ROBO1: variants seen among roughly 807,000 people sequenced by gnomAD.
ROBO1 encodes roundabout guidance receptor 1.
Under a neutral mutation model 195.9 loss-of-function variants are expected in ROBO1, and 149 were observed. The ratio of observed to expected loss-of-function variants is 0.76; its 90% CI spans 0.67 to 0.87. The LOEUF is 0.87. Ranked by LOEUF, ROBO1 falls within the 40% of genes least tolerant of loss-of-function variation. The probability of loss-of-function intolerance (pLI) is 0.00; values close to 1 mark genes in which losing one functional copy is unlikely to be tolerated. For synonymous variants in ROBO1, 816 were observed against 733.2 expected (o/e 1.11, Z -1.82); for missense variants, 1,933 against 2,068.3 (o/e 0.93, Z 1.27).
chr3:79,218,154 C>T (rs930361794), intron 2 of ROBO1, among the ~76,000 whole-genome samples: 1 of 152,078 alleles, frequency 6.6e-6, no homozygotes, highest in Middle Eastern at 3.4e-3. Flanking sequence ...TGTAAACTGG[C>T]ATCTTGCATA....
chr3:78,741,921 TC>T, intron 5 of ROBO1, among the ~76,000 whole-genome samples: 1 of 152,152 alleles, frequency 6.6e-6, no homozygotes, highest in Non-Finnish European at 1.5e-5. Context: ...TAAAAGACTC[TC>T]CTATCATGTA....
At chr3:79,681,230 G>A (rs1214681454) in intron 1 of ROBO1, among the ~76,000 whole-genome samples, 2 of 151,984 alleles carry the variant, frequency 1.3e-5, no homozygotes, top group African/African-American at 4.8e-5. Flanking sequence ...GGTAGGAACG[G>A]CTTTATGGCT....
At chr3:78,622,108 T>C (rs1226429539) in intron 26 of ROBO1, among the ~76,000 whole-genome samples, 2 of 152,164 alleles carry the variant, frequency 1.3e-5, no homozygotes, top group African/African-American at 4.8e-5. Context: ...ATAAGTTTAA[T>C]TATATTATTT....
At chr3:79,392,913 A>T (rs1241060362) in intron 2 of ROBO1, among the ~76,000 whole-genome samples, 1 of 152,258 alleles carries the variant, frequency 6.6e-6, no homozygotes, top group Non-Finnish European at 1.5e-5. Context: ...GCCCAAGGTC[A>T]CAAATTATGA....
At chr3:79,488,332 A>G (rs1268738614) in intron 2 of ROBO1, among the ~76,000 whole-genome samples, 3 of 152,130 alleles carry the variant, frequency 2.0e-5, no homozygotes, top group Admixed American at 6.5e-5. Flanking sequence ...TCAAAATATC[A>G]TCAGATCATT....
chr3:79,404,611 C>T (rs2106806257), intron 2 of ROBO1, among the ~76,000 whole-genome samples: 1 of 152,220 alleles, frequency 6.6e-6, no homozygotes, highest in African/African-American at 2.4e-5. Flanking sequence ...GTGCCATGCA[C>T]TGAAGGCCAC....
intron 1 of ROBO1, among the ~76,000 whole-genome samples, chr3:79,627,708 C>G (rs1374144429): frequency 2.6e-5 from 4 of 152,228 alleles, no homozygotes; most frequent in Admixed American, 6.5e-5. Context: ...TCAGAGTGAA[C>G]AGGCAACCTA....
At chr3:79,629,786 A>T (rs1945284816) in intron 1 of ROBO1, among the ~76,000 whole-genome samples, 1 of 152,020 alleles carries the variant, frequency 6.6e-6, no homozygotes, top group African/African-American at 2.4e-5. Flanking sequence ...TCAAATAAGG[A>T]CAATTAGAAA....
chr3:79,006,543 A>G (rs930165856), intron 3 of ROBO1, among the ~76,000 whole-genome samples: 2 of 152,054 alleles, frequency 1.3e-5, no homozygotes, highest in Admixed American at 6.6e-5. Flanking sequence ...TCAACTACCC[A>G]TATTTATTGG....
rs1457049329 is a variant in ROBO1 at position 79,516,799 on chromosome 3, C to T, written c.88+73025G>A. On this transcript the variant is annotated intron_variant, in intron 2 of 30. Transcript: ENST00000464233. ...ACAATCTTGAATATATATTAATTCA[C>T]ATGTATTTGAATTTATCTACAGGAT... Among the ~76,000 whole-genome samples, 8 of 152,146 alleles carry T rather than the reference C, an allele frequency of 5.3e-5. No individual in the cohort carries two copies. The East Asian group carries it at 1.4e-3, about 26-fold the overall frequency.
At chr3:79,295,322 C>T (rs775935354) in intron 2 of ROBO1, among the ~76,000 whole-genome samples, 5 of 152,070 alleles carry the variant, frequency 3.3e-5, no homozygotes, top group African/African-American at 4.8e-5. Context: ...AGTTAGAAAC[C>T]ATCATTCTCA....
rs1373629889 is a variant in ROBO1, at chr3:79,369,812, C to G, written c.88+220012G>C. On this transcript the variant is annotated intron_variant, in intron 2 of 30. Coordinates refer to ENST00000464233, the MANE Select transcript of ROBO1 (RefSeq NM_002941.4). ...GTATGCTACTTACTGGCCTTAAGTA[C>G]GTTCAAGTAAAACTGATTCCTTCAA... is the stretch of plus-strand genomic sequence containing the variant. 2.0e-5 allele frequency among the ~76,000 whole-genome samples: 3 copies of G among 151,922 alleles called. No homozygotes were observed. In the South Asian group the frequency reaches 6.2e-4, roughly 32 times the overall value.
chr3:79,574,951 A>C (rs189704800), intron 2 of ROBO1, among the ~76,000 whole-genome samples: 1 of 150,964 alleles, frequency 6.6e-6, no homozygotes, highest in Non-Finnish European at 1.5e-5. Context: ...CCTACCAGAC[A>C]GCAACAAACC....
chr3:78,711,380 TTCCTTCCTTCCTTCCTTC>T (rs1559773308), intron 8 of ROBO1, among the ~76,000 whole-genome samples: 14 of 34,018 alleles, frequency 4.1e-4, no homozygotes, highest in Non-Finnish European at 6.3e-4. Flanking sequence ...CCTTCCTTCC[TTCCTTCCTTCCTTCCTTC>T]CTTTCTTTCT....
intron 4 of ROBO1, among the ~76,000 whole-genome samples, chr3:78,913,856 A>G (rs186115437): frequency 6.6e-6 from 1 of 152,280 alleles, no homozygotes; most frequent in African/African-American, 2.4e-5. Flanking sequence ...GAGCCCTTTT[A>G]TGTGTGCACA....
chr3:78,678,656 C>A (rs1708590984), intron 10 of ROBO1, among the ~76,000 whole-genome samples: 1 of 152,156 alleles, frequency 6.6e-6, no homozygotes, highest in African/African-American at 2.4e-5. Flanking sequence ...AGACCAATAA[C>A]AGGATCTGAA....
chr3:78,989,328 T>G (rs1576521183), intron 3 of ROBO1, among the ~76,000 whole-genome samples: 1 of 152,260 alleles, frequency 6.6e-6, no homozygotes, highest in East Asian at 1.9e-4. Context: ...ATAAAAAAAT[T>G]TAAGGTCAGG....
chr3:78,783,017 T>G (rs1326923162), intron 4 of ROBO1, among the ~76,000 whole-genome samples: 1 of 152,214 alleles, frequency 6.6e-6, no homozygotes, highest in East Asian at 1.9e-4. Context: ...AAAACATGAA[T>G]TCGTGACTAA....
chr3:79,346,393 T>C (rs774402934), intron 2 of ROBO1, among the ~76,000 whole-genome samples: 1 of 152,152 alleles, frequency 6.6e-6, no homozygotes, highest in Non-Finnish European at 1.5e-5. Flanking sequence ...GAAAGTATGT[T>C]GGGATTTTCT....
Sources: allele counts gnomAD v4.1 joint callset (sites outside exome capture counted in the v4.1 genomes callset), GRCh38; gene constraint gnomAD v4.1.1; transcripts MANE v1.5; gene names NCBI Gene and HGNC (gene_info 2026-07-23, HGNC 2026-07-21).